CENPI: variants seen among roughly 807,000 people sequenced by gnomAD.
CENPI encodes FSH primary response 1.
CENPI carries 4 observed loss-of-function variants against 60.4 expected under a neutral mutation model. That is an observed-to-expected ratio of 0.07 (90% CI 0.03 to 0.15). The LOEUF is 0.15. Ranked by LOEUF, CENPI falls within the 10% of genes least tolerant of loss-of-function variation. CENPI has a pLI of 1.00. For synonymous variants in CENPI, 157 were observed against 189.4 expected, an observed-to-expected ratio of 0.83 and a Z score of 1.40; for missense variants, 444 against 534.5, an observed-to-expected ratio of 0.83 and a Z score of 1.67.
rs2090127054 is a variant in CENPI, at chrX:101,163,321, A to G, written c.*354A>G. 6.0e-6 allele frequency: 1 copy of G among 166,437 alleles called. No homozygotes were observed. Among genetic ancestry groups the G allele is most frequent in the African/African-American group, 3.2e-5 (1 of 31,446 alleles). 13.7% of individuals were successfully genotyped at this position (166,437 alleles called of 1,213,427 possible). A position where few individuals can be genotyped will look rare whatever the true frequency, so the allele number is the denominator to read the frequency against. On this transcript the variant is annotated 3_prime_UTR_variant, in exon 22 of 22. Coordinates refer to ENST00000682095, the MANE Select transcript of CENPI (RefSeq NM_001386188.2). ...AGCAGGCAATATGTGGTGACAGTTA[A>G]CTCACAGACATAAACATGCAAAATA...
At position 101,147,765 on chromosome X, in the gene CENPI, A is replaced by G; in HGVS notation, c.1829A>G (p.Tyr610Cys). The G allele has an allele frequency of 8.3e-7, 1 of 1,199,205 alleles. No individual in the cohort carries two copies. Among genetic ancestry groups the G allele is most frequent in the Non-Finnish European group, 1.1e-6 (1 of 885,388 alleles). Residue 610 changes from tyrosine to cysteine, a missense_variant and splice_region_variant, in exon 19 of 22, where the codon TAT (tyrosine) becomes TGT (cysteine). Coordinates refer to ENST00000682095, the MANE Select transcript of CENPI (RefSeq NM_001386188.2). Reference sequence around the variant, plus strand: ...ATTCTGTTTGTTTTTTCTGTTAGATATCGTAAAAATTTGACTGCCGCAAAG... The same window carrying G: ...ATTCTGTTTGTTTTTTCTGTTAGATGTCGTAAAAATTTGACTGCCGCAAAG... ...LNQLCFIMHR[Y>C]RKNLTAAKKN...
intron 9 of CENPI, among the ~76,000 whole-genome samples, 161 bp downstream of exon 9, chrX:101,126,959 G>C (rs185881631): frequency 1.8e-5 from 2 of 110,685 alleles, no homozygotes; most frequent in Admixed American, 9.7e-5. Context: ...TTGGTACTTC[G>C]TGTTGATCCC....
At chrX:101,174,650 C>A in the CENPI span, among the ~76,000 whole-genome samples, 1 of 109,793 alleles carries the variant, frequency 9.1e-6, no homozygotes, top group East Asian at 2.9e-4. Flanking sequence ...ACAATAGACA[C>A]TGGGGACTAC....
intron 6 of CENPI, among the ~76,000 whole-genome samples, chrX:101,112,294 T>G (rs182120356): frequency 2.9e-4 from 33 of 112,164 alleles, no homozygotes; most frequent in Non-Finnish European, 4.7e-4. Flanking sequence ...GATTTTTAGT[T>G]ATCATATAAT....
Position 101,103,055 on chromosome X carries a change from C to T in CENPI, c.364+644C>T, listed in dbSNP as rs184498993. ...CATCGCCCAGGCTGGAGTGCAGTGG[C>T]GCAATCTCAGCTCACTGCAACCTCC... On this transcript the variant is annotated intron_variant, in intron 4 of 21. Transcript: ENST00000682095. 4.9e-3 allele frequency among the ~76,000 whole-genome samples: 499 copies of T among 102,392 alleles called. 2 individuals carry two copies. Among genetic ancestry groups the T allele is most frequent in the African/African-American group, 0.017 (474 of 27,710 alleles). The allele number at this position is 102,392 out of a possible 115,157, so 88.9% of individuals were successfully genotyped here. A position where few individuals can be genotyped will look rare whatever the true frequency, so the allele number is the denominator to read the frequency against.
chrX:101,153,194 G>A (rs769507137), intron 20 of CENPI, among the ~76,000 whole-genome samples: 24 of 110,843 alleles, frequency 2.2e-4, no homozygotes, highest in Non-Finnish European at 4.5e-4. Flanking sequence ...TTGATGTTTA[G>A]CATCTTTTCA....
intron 16 of CENPI, among the ~76,000 whole-genome samples, chrX:101,144,830 A>C (rs1472483615): frequency 1.8e-5 from 2 of 111,761 alleles, no homozygotes; most frequent in Admixed American, 1.9e-4. Context: ...GGTATTTACT[A>C]GTAGAGTCTG....
At chrX:101,103,963 TTTTC>T (rs1002674293) in intron 4 of CENPI, among the ~76,000 whole-genome samples, 11 of 111,403 alleles carry the variant, frequency 9.9e-5, no homozygotes, top group Non-Finnish European at 2.1e-4. Context: ...ATTACCTTCA[TTTTC>T]TTTCTTTCTT....
chrX:101,150,295 A>G lies in CENPI; in HGVS notation c.2094+2134A>G, dbSNP rs760265155. On this transcript the variant is annotated intron_variant, in intron 20 of 21. Transcript: ENST00000682095. The stretch of plus-strand genomic sequence containing the variant: ...ATCCTTCTACAAACGTAAGGTGCAC[A>G]TACTGTATTTTACATGCAGTTAGGT... Among the ~76,000 whole-genome samples the G allele has an allele frequency of 1.2e-4, 13 of 107,098 alleles. 1 individual carries two copies. The highest frequency in any genetic ancestry group is 3.4e-4 in the African/African-American group (10 of 29,308). The allele number at this position is 107,098 out of a possible 115,157, so 93.0% of individuals were successfully genotyped here.
At chrX:101,113,482 A>C (rs1032998652) in intron 6 of CENPI, among the ~76,000 whole-genome samples, 4 of 110,609 alleles carry the variant, frequency 3.6e-5, no homozygotes, top group Non-Finnish European at 5.7e-5. Context: ...ACGCCCAGCT[A>C]ATTTTTTGTA....
At chrX:101,110,902 G>C (rs1421489085) in intron 6 of CENPI, among the ~76,000 whole-genome samples, 2 of 111,804 alleles carry the variant, frequency 1.8e-5, no homozygotes, top group Admixed American at 1.9e-4. Flanking sequence ...GGGCCTTACA[G>C]GTTGAATAGG....
intron 6 of CENPI, among the ~76,000 whole-genome samples, chrX:101,117,277 C>T (rs1455298705): frequency 3.6e-5 from 4 of 111,478 alleles, no homozygotes; most frequent in Admixed American, 9.6e-5. Flanking sequence ...CTTGGCTCAT[C>T]GCAACCTCTG....
the CENPI span, among the ~76,000 whole-genome samples, chrX:101,175,184 A>G: frequency 8.9e-6 from 1 of 112,603 alleles, no homozygotes; most frequent in African/African-American, 3.2e-5. Flanking sequence ...GAGGATTATA[A>G]CAATTATGCT....
rs1410325529 is a variant in CENPI, at chrX:101,164,488, C to T, written c.*1521C>T. On this transcript the variant is annotated 3_prime_UTR_variant, in exon 22 of 22. Transcript: ENST00000682095. ...CTGGGATTACAGGCACCTACCACCA[C>T]GCCCAGCCAATTTTTGTATTTTTAG... Among the ~76,000 whole-genome samples, 3 of 111,079 alleles carry T rather than the reference C, an allele frequency of 2.7e-5. No homozygotes were observed. Among genetic ancestry groups the T allele is most frequent in the Non-Finnish European group, 5.7e-5 (3 of 53,085 alleles).
chrX:101,113,963 A>T (rs2089587608), intron 6 of CENPI, among the ~76,000 whole-genome samples: 1 of 112,075 alleles, frequency 8.9e-6, no homozygotes. Flanking sequence ...CTGCTTTTAA[A>T]AAACAGCTTT....
intron 8 of CENPI, among the ~76,000 whole-genome samples, chrX:101,126,064 G>A (rs922823757): frequency 8.9e-6 from 1 of 112,057 alleles, no homozygotes; most frequent in Non-Finnish European, 1.9e-5. Flanking sequence ...CTCATTTGCT[G>A]CCTTTGTGCA....
At chrX:101,143,790 A>G (rs1019643963) in intron 16 of CENPI, among the ~76,000 whole-genome samples, 1 of 112,202 alleles carries the variant, frequency 8.9e-6, no homozygotes, top group African/African-American at 3.2e-5. Flanking sequence ...CAGCCTCCCA[A>G]AGTGCTGGGA....
At position 101,132,283 on chromosome X, in the gene CENPI, T is replaced by G. The variant is rs1407066121; in HGVS notation, c.1381T>G (p.Trp461Gly). Residue 461 changes from tryptophan to glycine, a missense_variant, in exon 14 of 22, where the codon TGG becomes GGG. Trp to Gly is a radical substitution (Grantham distance 184, BLOSUM62 -2). Transcript: ENST00000682095. ...CRSQFLQLVS[W>G]IPFSSFSEVK... is the part of the protein sequence containing the mutation. ...GTCACAGTTCCTTCAGCTTGTGAGC[T>G]GGATTCCTTTTAGTAGCTTCTCTGG... 2.5e-6 allele frequency: 3 copies of G among 1,205,295 alleles called. No homozygotes were observed. The highest frequency in any genetic ancestry group is 2.2e-6 in the Non-Finnish European group (2 of 891,215).
intron 15 of CENPI, among the ~76,000 whole-genome samples, chrX:101,133,317 ATTTTT>A (rs750307029): frequency 2.6e-5 from 2 of 77,016 alleles, no homozygotes. Context: ...TTCAGTTTGA[ATTTTT>A]TTTTTTTTTT....
Sources: gnomAD v4.1 joint callset for allele counts (sites outside exome capture counted in the v4.1 genomes callset) on GRCh38, gnomAD v4.1.1 for gene constraint, MANE v1.5 for transcripts, NCBI Gene and HGNC (gene_info 2026-07-23, HGNC 2026-07-21) for gene names.